SLC41A3: variants seen among roughly 807,000 people sequenced by gnomAD.
SLC41A3 encodes the protein solute carrier family 41 member 3, also known as SLC41A1-like 2.
Under a neutral mutation model 45.4 loss-of-function variants are expected in SLC41A3, and 44 were observed. That is an observed-to-expected ratio of 0.97 (90% CI 0.76 to 1.25). SLC41A3 has a LOEUF of 1.25. SLC41A3 is among the 50% of genes most tolerant of loss of function. The pLI is 0.00. For synonymous variants in SLC41A3, 256 were observed against 252.4 expected, an observed-to-expected ratio of 1.01 and a Z score of -0.13; for missense variants, 550 against 600.6, an observed-to-expected ratio of 0.92 and a Z score of 0.88.
chr3:126,006,631 T>A lies in SLC41A3; in HGVS notation c.*385A>T, dbSNP rs1939130924. On this transcript the variant is annotated 3_prime_UTR_variant, in exon 11 of 11. Transcript: ENST00000360370. The stretch of plus-strand genomic sequence containing the variant: ...GGCTTGGGAACAGAAAAGAGCTCCT[T>A]CCTGCTCCACCCCAATCTGGGTTGC... The A allele has an allele frequency of 6.5e-7, 1 of 1,541,346 alleles. No homozygotes were observed. The highest frequency in any genetic ancestry group is 8.7e-7 in the Non-Finnish European group (1 of 1,150,826).
rs4679100 is a variant in SLC41A3, at chr3:126,063,895, G to C, written c.273+4052C>G. Among the ~76,000 whole-genome samples, 3 of 149,864 alleles carry C rather than the reference G, an allele frequency of 2.0e-5. No individual in the cohort carries two copies. In the South Asian group the frequency reaches 6.5e-4, roughly 32 times the overall value. ...ACTCCGATGAAGTGACAGGTGGCAA[G>C]GTGACCTCCACTGGGTGTCACCACT... is the stretch of plus-strand genomic sequence containing the variant. On this transcript the variant is annotated intron_variant, in intron 2 of 10. Coordinates refer to ENST00000360370, the MANE Select transcript of SLC41A3 (RefSeq NM_017836.4).
At position 126,057,260 on chromosome 3, in the gene SLC41A3, G is replaced by T. The variant is rs1402422377; in HGVS notation, c.274-6210C>A. On this transcript the variant is annotated intron_variant, in intron 2 of 10. Coordinates refer to ENST00000360370, the MANE Select transcript of SLC41A3 (RefSeq NM_017836.4). Reference sequence around the variant, plus strand: ...TGTTCACAGAAAAAAACGCAGGCCTGTTCTCCCTCCATGGCCTGGAAGACT... The same window carrying T: ...TGTTCACAGAAAAAAACGCAGGCCTTTTCTCCCTCCATGGCCTGGAAGACT... 11 of 689,912 alleles carry T rather than the reference G, an allele frequency of 1.6e-5. No individual in the cohort carries two copies. In the African/African-American group the frequency reaches 2.1e-4, roughly 13 times the overall value. The allele number at this position is 689,912 out of a possible 1,614,324, so 42.7% of individuals were successfully genotyped here.
chr3:126,053,475 A>C (rs1489363535), intron 2 of SLC41A3, among the ~76,000 whole-genome samples: 1 of 152,204 alleles, frequency 6.6e-6, no homozygotes, highest in Non-Finnish European at 1.5e-5. Context: ...AAAGTGAAAA[A>C]ATACTGGGTG....
chr3:126,042,462 T>C lies in SLC41A3; in HGVS notation c.381+8481A>G, dbSNP rs550023742. The stretch of plus-strand genomic sequence containing the variant: ...GCCAGTCTGCAAAGATTTGGAGAGA[T>C]GGCTGTTTTGCAAATACCTAATTTT... On this transcript the variant is annotated intron_variant, in intron 3 of 10. Transcript: ENST00000360370. 1.1e-4 allele frequency among the ~76,000 whole-genome samples: 17 copies of C among 152,246 alleles called. No individual in the cohort carries two copies. The South Asian group carries it at 3.3e-3, about 30-fold the overall frequency.
chr3:126,082,253 C>G (rs1945192070), intron 1 of SLC41A3, among the ~76,000 whole-genome samples: 1 of 152,172 alleles, frequency 6.6e-6, no homozygotes, highest in African/African-American at 2.4e-5. Context: ...GGGCTGTGGG[C>G]CAGGAAACCT....
intron 1 of SLC41A3, among the ~76,000 whole-genome samples, chr3:126,072,362 T>TAAAA (rs3053149): frequency 9.6e-6 from 1 of 104,688 alleles, no homozygotes; most frequent in African/African-American, 3.6e-5. Context: ...AAGAGAATTG[T>TAAAA]AAAAAAAAAT....
chr3:126,035,027 G>A (rs952211249), intron 3 of SLC41A3, among the ~76,000 whole-genome samples: 1 of 152,240 alleles, frequency 6.6e-6, no homozygotes, highest in Admixed American at 6.5e-5. Flanking sequence ...AGCAGGAAGT[G>A]AGACCAAGAG....
intron 2 of SLC41A3, among the ~76,000 whole-genome samples, chr3:126,052,739 G>A (rs1384330771): frequency 2.0e-5 from 3 of 152,096 alleles, no homozygotes; most frequent in African/African-American, 7.2e-5. Context: ...CCAGTCCTTT[G>A]CCAACCTCAC....
At chr3:126,053,550 T>C (rs1270565882) in intron 2 of SLC41A3, among the ~76,000 whole-genome samples, 2 of 152,122 alleles carry the variant, frequency 1.3e-5, no homozygotes, top group Non-Finnish European at 2.9e-5. Flanking sequence ...TTTACAGAGA[T>C]AATCAGTGTC....
chr3:126,087,409 CG>C (rs760644044), upstream of SLC41A3, among the ~76,000 whole-genome samples: 3 of 151,908 alleles, frequency 2.0e-5, no homozygotes, highest in Admixed American at 6.6e-5. Flanking sequence ...TGTAAACAAA[CG>C]TCATATAATT....
upstream of SLC41A3, among the ~76,000 whole-genome samples, chr3:126,086,642 G>C (rs113681221): frequency 2.3e-4 from 35 of 151,906 alleles, no homozygotes; most frequent in Non-Finnish European, 4.7e-4. Flanking sequence ...TTGGTACTTT[G>C]AGATGTAAAT....
At chr3:126,077,052 T>C (rs1215560418) in intron 1 of SLC41A3, among the ~76,000 whole-genome samples, 1 of 152,144 alleles carries the variant, frequency 6.6e-6, no homozygotes, top group Non-Finnish European at 1.5e-5. Context: ...AAGTGACATG[T>C]GTTAATAAAA....
At position 126,006,511 on chromosome 3, in the gene SLC41A3, G is replaced by C; in HGVS notation, c.*505C>G. On this transcript the variant is annotated 3_prime_UTR_variant, in exon 11 of 11. Transcript: ENST00000360370. ...AAGGGTTGTATGAGGCCCCATCCTGGGGAGGCTGTACACCTTCTTGGCACA... is the reference window on the plus strand; with the variant it reads ...AAGGGTTGTATGAGGCCCCATCCTGCGGAGGCTGTACACCTTCTTGGCACA... 1 of 1,613,918 alleles carries C rather than the reference G, an allele frequency of 6.2e-7. No homozygotes were observed.
At chr3:126,089,806 A>T (rs1056404265) in intron 1 of SLC41A3, among the ~76,000 whole-genome samples, 2 of 152,184 alleles carry the variant, frequency 1.3e-5, no homozygotes, top group Non-Finnish European at 2.9e-5. Flanking sequence ...ATAAAATAAA[A>T]ATGGTTTACA....
chr3:126,087,795 A>T (rs950959142), upstream of SLC41A3, among the ~76,000 whole-genome samples: 5 of 63,068 alleles, frequency 7.9e-5, no homozygotes, highest in African/African-American at 5.3e-4. Context: ...GAATTTGTTT[A>T]AAAAAAAAAA....
intron 4 of SLC41A3, among the ~76,000 whole-genome samples, chr3:126,031,768 C>G (rs1307079553): frequency 1.3e-5 from 2 of 152,222 alleles, no homozygotes; most frequent in Non-Finnish European, 2.9e-5. Context: ...TTATGGAAAA[C>G]AGCAAAGTAC....
At chr3:126,067,110 C>CT (rs1576347368) in intron 2 of SLC41A3, among the ~76,000 whole-genome samples, 1 of 76,536 alleles carries the variant, frequency 1.3e-5, no homozygotes, top group East Asian at 4.2e-4. Context: ...CGCCCCCCGC[C>CT]CCGGCCACCG....
chr3:126,068,162 G>C lies in SLC41A3; in HGVS notation c.58C>G (p.Leu20Val), dbSNP rs1208676950. ...RLDSCGKPGE[L>V]GLPHPLSTGG... ...GTGCTGAGGGGGTGAGGAAGCCCCAGCTCCCCTGGCTTGCCACAGCTGTCC... is the reference window on the plus strand; with the variant it reads ...GTGCTGAGGGGGTGAGGAAGCCCCACCTCCCCTGGCTTGCCACAGCTGTCC... The change falls in exon 2 of 11, where the codon CTG becomes GTG. Residue 20 changes from leucine (L) to valine (V), a missense_variant. Transcript: ENST00000360370. The C allele has an allele frequency of 6.3e-7, 1 of 1,593,312 alleles. No homozygotes were observed. The highest frequency in any genetic ancestry group is 1.1e-5 in the South Asian group (1 of 88,616).
At chr3:126,025,015 T>C (rs1468511482) in intron 5 of SLC41A3, 1 of 152,246 alleles carries the variant, frequency 6.6e-6, no homozygotes, top group African/African-American at 2.4e-5. Flanking sequence ...CACTTTAGTG[T>C]TGGTCAGAGG....
Sources: gnomAD v4.1 joint callset for allele counts (sites outside exome capture counted in the v4.1 genomes callset) on GRCh38, gnomAD v4.1.1 for gene constraint, MANE v1.5 for transcripts, NCBI Gene and HGNC (gene_info 2026-07-23, HGNC 2026-07-21) for gene names.